The following XRCC4 variants were observed in gnomAD, a reference collection of about 807,000 sequenced individuals.
XRCC4 encodes the protein DNA repair protein XRCC4.
XRCC4 carries 28 observed loss-of-function variants against 39.1 expected under a neutral mutation model. The observed-to-expected ratio is 0.72, with a 90% CI of 0.53 to 0.98. XRCC4 has a LOEUF of 0.98. Ranked by LOEUF, XRCC4 falls within the 50% of genes least tolerant of loss-of-function variation. The pLI, the probability that XRCC4 is intolerant of heterozygous loss-of-function variation, is 0.00. For missense variants in XRCC4, 350 were observed against 376.4 expected, an observed-to-expected ratio of 0.93 and a Z score of 0.58; for synonymous variants, 123 against 126.4, an observed-to-expected ratio of 0.97 and a Z score of 0.18.
chr5:83,251,951 C>G (rs540385423), intron 6 of XRCC4, among the ~76,000 whole-genome samples: 6 of 152,172 alleles, frequency 3.9e-5, no homozygotes, highest in African/African-American at 1.4e-4. Flanking sequence ...TGAGTAGCAA[C>G]TGATTTACAG....
chr5:83,185,154 T>C (rs1415993911), intron 3 of XRCC4, among the ~76,000 whole-genome samples: 1 of 152,000 alleles, frequency 6.6e-6, no homozygotes, highest in African/African-American at 2.4e-5. Flanking sequence ...TTAATAGTGT[T>C]ATCAGCTATA....
intron 3 of XRCC4, among the ~76,000 whole-genome samples, chr5:83,160,214 A>G (rs1299367138): frequency 6.6e-6 from 1 of 152,198 alleles, no homozygotes; most frequent in East Asian, 1.9e-4. Flanking sequence ...TTTGAATGAC[A>G]GGATAAACCA....
At chr5:83,094,558 G>A (rs988798083) in intron 1 of XRCC4, among the ~76,000 whole-genome samples, 7 of 151,036 alleles carry the variant, frequency 4.6e-5, no homozygotes, top group African/African-American at 7.3e-5. Context: ...CAGTTTAGTC[G>A]TTGTATTCTT....
intron 3 of XRCC4, among the ~76,000 whole-genome samples, chr5:83,158,916 T>G (rs2112576854): frequency 6.6e-6 from 1 of 152,290 alleles, no homozygotes; most frequent in Admixed American, 6.5e-5. Flanking sequence ...CCTGCCAGAT[T>G]GCTTTACTTG....
At chr5:83,109,257 G>C (rs1430519826) in intron 2 of XRCC4, among the ~76,000 whole-genome samples, 1 of 151,692 alleles carries the variant, frequency 6.6e-6, no homozygotes, top group Admixed American at 6.6e-5. Flanking sequence ...CAAAATTATG[G>C]ATGGAAATAA....
chr5:83,316,395 GAC>G (rs999716039), intron 7 of XRCC4, among the ~76,000 whole-genome samples: 3 of 151,612 alleles, frequency 2.0e-5, no homozygotes, highest in Admixed American at 6.6e-5. Context: ...GCAATTAAAA[GAC>G]ACAGACTGGC....
chr5:83,192,298 G>A (rs1299833490), intron 3 of XRCC4, among the ~76,000 whole-genome samples: 4 of 120,876 alleles, frequency 3.3e-5, no homozygotes, highest in African/African-American at 9.5e-5. Context: ...GTATGTATAC[G>A]TATATATAAT....
intron 3 of XRCC4, among the ~76,000 whole-genome samples, chr5:83,157,935 A>G (rs918688607): frequency 3.9e-5 from 6 of 152,100 alleles, no homozygotes; most frequent in African/African-American, 1.4e-4. Context: ...GAAAATGCCT[A>G]TCCTTATTTT....
intron 6 of XRCC4, among the ~76,000 whole-genome samples, chr5:83,233,207 A>C (rs1343221391): frequency 1.3e-5 from 2 of 152,200 alleles, no homozygotes; most frequent in Non-Finnish European, 2.9e-5. Context: ...CAATCTGTAA[A>C]GAAACTTTCA....
intron 1 of XRCC4, among the ~76,000 whole-genome samples, chr5:83,089,137 GT>G (rs1745308673): frequency 6.6e-6 from 1 of 152,192 alleles, no homozygotes; most frequent in Non-Finnish European, 1.5e-5. Context: ...CTCCTAAATT[GT>G]GATACCTTGA....
intron 6 of XRCC4, among the ~76,000 whole-genome samples, chr5:83,249,998 G>A (rs1424118682): frequency 6.6e-6 from 1 of 152,090 alleles, no homozygotes; most frequent in Non-Finnish European, 1.5e-5. Flanking sequence ...TTGATTAACA[G>A]TTGAGTAAAA....
the XRCC4 span, among the ~76,000 whole-genome samples, chr5:83,372,313 A>G: frequency 6.6e-6 from 1 of 152,238 alleles, no homozygotes. Context: ...GTGGGAAGTC[A>G]TAACCAACTT....
intron 3 of XRCC4, among the ~76,000 whole-genome samples, chr5:83,157,390 G>C (rs1470531362): frequency 6.6e-6 from 1 of 152,038 alleles, no homozygotes; most frequent in Non-Finnish European, 1.5e-5. Context: ...TGTAAATAGA[G>C]TTTATAATCA....
downstream of XRCC4, among the ~76,000 whole-genome samples, chr5:83,358,487 C>T (rs1007533302): frequency 1.3e-5 from 2 of 151,968 alleles, no homozygotes; most frequent in African/African-American, 4.8e-5. Flanking sequence ...ACTCTCATTT[C>T]ACAATCTCAC....
At chr5:83,347,486 A>T (rs1483326051) in intron 7 of XRCC4, among the ~76,000 whole-genome samples, 3 of 152,266 alleles carry the variant, frequency 2.0e-5, no homozygotes, top group Admixed American at 6.5e-5. Flanking sequence ...GAGAGAGAGC[A>T]AAAGGGGAAG....
intron 6 of XRCC4, among the ~76,000 whole-genome samples, chr5:83,218,080 T>A (rs199970852): frequency 9.4e-4 from 122 of 129,122 alleles, no homozygotes; most frequent in African/African-American, 3.3e-3. Flanking sequence ...ATATATATAT[T>A]TATTAGATTT....
intron 3 of XRCC4, among the ~76,000 whole-genome samples, chr5:83,158,758 G>A (rs1749072756): frequency 6.6e-6 from 1 of 151,992 alleles, no homozygotes; most frequent in African/African-American, 2.4e-5. Context: ...GTAAGAAACT[G>A]CTTTTTTCTC....
intron 6 of XRCC4, among the ~76,000 whole-genome samples, chr5:83,222,194 G>A (rs1392407591): frequency 6.6e-6 from 1 of 151,608 alleles, no homozygotes; most frequent in Non-Finnish European, 1.5e-5. Flanking sequence ...TATATTTTAG[G>A]TTAGATCTAC....
intron 7 of XRCC4, among the ~76,000 whole-genome samples, chr5:83,289,858 A>G (rs1754856654): frequency 6.6e-6 from 1 of 151,796 alleles, no homozygotes; most frequent in Non-Finnish European, 1.5e-5. Flanking sequence ...TTTCACAATG[A>G]TGACTCTCCC....
Sources: gnomAD v4.1 joint callset for allele counts (sites outside exome capture counted in the v4.1 genomes callset) on GRCh38, gnomAD v4.1.1 for gene constraint, MANE v1.5 for transcripts, NCBI Gene and HGNC (gene_info 2026-07-23, HGNC 2026-07-21) for gene names.